Variants in PCMTD1 observed in about 807,000 individuals in gnomAD.
PCMTD1 encodes protein-L-isoaspartate (D-aspartate) O-methyltransferase domain containing 1.
PCMTD1 carries 12 observed loss-of-function variants against 37.6 expected under a neutral mutation model. The ratio of observed to expected loss-of-function variants is 0.32; its 90% confidence interval spans 0.20 to 0.52. The LOEUF (loss-of-function observed/expected upper bound fraction) is 0.52, where lower values mean the gene tolerates loss of function less well. Ranked by LOEUF, PCMTD1 falls within the 20% of genes least tolerant of loss-of-function variation. The pLI is 0.97. For synonymous variants in PCMTD1, 117 were observed against 135.8 expected (o/e 0.86, Z 0.96); for missense variants, 235 against 421.3 (o/e 0.56, Z 3.87).
intron 5 of PCMTD1, among the ~76,000 whole-genome samples, chr8:51,824,502 C>A (rs2037893181): frequency 6.6e-6 from 1 of 152,100 alleles, no homozygotes. Context: ...ATGTGAAGGA[C>A]CTCTTCAAGG....
rs118055910 is a variant in PCMTD1, at chr8:51,885,044, C to G, written c.-96+13886G>C. Among the ~76,000 whole-genome samples the G allele has an allele frequency of 3.3e-3, 505 of 152,294 alleles. 1 individual carries two copies. The highest frequency in any genetic ancestry group is 0.01 in the Middle Eastern group (3 of 294). On this transcript the variant is annotated intron_variant, in intron 1 of 5. Transcript: ENST00000522514. ...CTCTGCTCAAATTACTGCATGATTT[C>G]TCTTTCCTGACTGGACCCAGATTTA...
At chr8:51,824,094 T>C (rs1455970497) in intron 5 of PCMTD1, among the ~76,000 whole-genome samples, 4 of 152,200 alleles carry the variant, frequency 2.6e-5, no homozygotes, top group Non-Finnish European at 4.4e-5. Context: ...AATATCATAC[T>C]GAATGGGCAA....
At chr8:51,844,318 T>C (rs571689830) in intron 3 of PCMTD1, among the ~76,000 whole-genome samples, 1 of 152,230 alleles carries the variant, frequency 6.6e-6, no homozygotes, top group African/African-American at 2.4e-5. Flanking sequence ...AAGACAAGCA[T>C]AAATAAGATA....
chr8:51,895,456 A>G (rs2038986541), intron 1 of PCMTD1, among the ~76,000 whole-genome samples: 1 of 152,230 alleles, frequency 6.6e-6, no homozygotes, highest in African/African-American at 2.4e-5. Context: ...AACTCCAAGA[A>G]TATTTTAAGC....
chr8:51,836,738 G>GT (rs765525818), intron 3 of PCMTD1, among the ~76,000 whole-genome samples: 202 of 152,172 alleles, frequency 1.3e-3, no homozygotes, highest in Middle Eastern at 6.8e-3. Flanking sequence ...TCTTCTAATT[G>GT]TTTTAATTTT....
At chr8:51,882,944 G>A (rs1211996947) in intron 1 of PCMTD1, among the ~76,000 whole-genome samples, 5 of 149,552 alleles carry the variant, frequency 3.3e-5, no homozygotes, top group Admixed American at 6.7e-5. Flanking sequence ...TTGCTAACAC[G>A]GTGAAACTCC....
In PCMTD1 at chr8:51,878,250, G is replaced by GTTTTTTTTTTT. The variant is rs375362623; in HGVS notation, c.-95-17015_-95-17005dup. 5.7e-5 allele frequency among the ~76,000 whole-genome samples: 8 copies of GTTTTTTTTTTT among 139,176 alleles called. 1 individual carries two copies. Among genetic ancestry groups the GTTTTTTTTTTT allele is most frequent in the Middle Eastern group, 3.8e-3 (1 of 260 alleles). The allele number at this position is 139,176 out of a possible 152,430, so 91.3% of individuals were successfully genotyped here. On this transcript the variant is annotated intron_variant, in intron 1 of 5. Transcript: ENST00000522514. ...AAAATATTATGAGATTTTTTTTTTG[G>GTTTTTTTTTTT]TTTTTTTTTTTTTTTAGCTCATCAG...
intron 5 of PCMTD1, among the ~76,000 whole-genome samples, chr8:51,829,210 T>C (rs1207735140): frequency 6.6e-6 from 1 of 152,118 alleles, no homozygotes; most frequent in Non-Finnish European, 1.5e-5. Context: ...AAATCTCCTT[T>C]GATGGTGGCT....
Position 51,819,728 on chromosome 8 carries a change from C to T in PCMTD1, c.*623G>A, listed in dbSNP as rs1479095185. ...CTATGAGAGAGGCAGATATTTTACCCATGTCTTTTGGCAAGAGATTCAAAA... is the reference window on the plus strand; with the variant it reads ...CTATGAGAGAGGCAGATATTTTACCTATGTCTTTTGGCAAGAGATTCAAAA... On this transcript the variant is annotated 3_prime_UTR_variant, in exon 6 of 6. Coordinates refer to ENST00000522514, the MANE Select transcript of PCMTD1 (RefSeq NM_052937.4). The T allele has an allele frequency of 4.6e-5, 7 of 152,668 alleles. No individual in the cohort carries two copies. The South Asian group carries it at 8.3e-4, about 18-fold the overall frequency. The allele number at this position is 152,668 out of a possible 1,614,324, so 9.5% of individuals were successfully genotyped here.
At chr8:51,824,395 A>T (rs1423631387) in intron 5 of PCMTD1, among the ~76,000 whole-genome samples, 1 of 152,212 alleles carries the variant, frequency 6.6e-6, no homozygotes, top group Non-Finnish European at 1.5e-5. Flanking sequence ...ATTCCTATAC[A>T]TCAATAACAG....
intron 1 of PCMTD1, among the ~76,000 whole-genome samples, chr8:51,876,821 A>G (rs1431228004): frequency 1.3e-5 from 2 of 152,210 alleles, no homozygotes; most frequent in African/African-American, 4.8e-5. Flanking sequence ...AAGTTGGGGG[A>G]GAAGGAAAAG....
At chr8:51,826,494 C>T (rs902467746) in intron 5 of PCMTD1, among the ~76,000 whole-genome samples, 5 of 152,102 alleles carry the variant, frequency 3.3e-5, no homozygotes, top group African/African-American at 1.2e-4. Context: ...ACATTCTGCA[C>T]ATGTACCCCA....
intron 2 of PCMTD1, among the ~76,000 whole-genome samples, chr8:51,856,224 C>CAA (rs1381640890): frequency 6.6e-6 from 1 of 151,906 alleles, no homozygotes; most frequent in Non-Finnish European, 1.5e-5. Context: ...GTCATGTCAC[C>CAA]AAAAAAATAT....
At chr8:51,840,053 AAAAC>A (rs1398757528) in intron 3 of PCMTD1, among the ~76,000 whole-genome samples, 4 of 152,226 alleles carry the variant, frequency 2.6e-5, no homozygotes, top group Non-Finnish European at 5.9e-5. Flanking sequence ...AATTTTTTGA[AAAAC>A]AAACCTTTAC....
chr8:51,896,072 A>C (rs759185927), intron 1 of PCMTD1: 1 of 151,088 alleles, frequency 6.6e-6, no homozygotes, highest in African/African-American at 2.4e-5. Context: ...CAGCCTCCCG[A>C]GTAGCTGGGA....
intron 3 of PCMTD1, among the ~76,000 whole-genome samples, chr8:51,839,266 T>C (rs1361446911): frequency 6.6e-6 from 1 of 152,198 alleles, no homozygotes; most frequent in African/African-American, 2.4e-5. Flanking sequence ...TTTATTGATT[T>C]AAACCTGAAA....
intron 1 of PCMTD1, among the ~76,000 whole-genome samples, chr8:51,887,212 G>A (rs985933674): frequency 1.1e-4 from 16 of 151,888 alleles, no homozygotes; most frequent in Admixed American, 2.6e-4. Context: ...TCACATATTC[G>A]CAGGTTCCAG....
At chr8:51,835,145 A>G (rs1479692926) in intron 3 of PCMTD1, among the ~76,000 whole-genome samples, 1 of 152,068 alleles carries the variant, frequency 6.6e-6, no homozygotes, top group Non-Finnish European at 1.5e-5. Context: ...AGACTGAATT[A>G]CTTGCTTCTA....
At chr8:51,857,913 G>A (rs2038414776) in intron 2 of PCMTD1, among the ~76,000 whole-genome samples, 1 of 152,124 alleles carries the variant, frequency 6.6e-6, no homozygotes. Flanking sequence ...AATCACTTGA[G>A]CCCAGTAGGT....
Sources: allele counts gnomAD v4.1 joint callset (sites outside exome capture counted in the v4.1 genomes callset), GRCh38; gene constraint gnomAD v4.1.1; transcripts MANE v1.5; gene names NCBI Gene and HGNC (gene_info 2026-07-23, HGNC 2026-07-21).